LMF1: variants seen among roughly 807,000 people sequenced by gnomAD.
The protein encoded by LMF1 is transmembrane protein 112.
LMF1 carries 68 observed loss-of-function variants against 60.6 expected under a neutral mutation model. The observed-to-expected ratio is 1.12, with a 90% CI of 0.92 to 1.37. The LOEUF (loss-of-function observed/expected upper bound fraction) is 1.37. Ranked by LOEUF, LMF1 falls within the 40% of genes most tolerant of loss-of-function variation. LMF1 has a pLI of 0.00. For synonymous variants in LMF1, 418 were observed against 324.7 expected (o/e 1.29, Z -3.09); for missense variants, 948 against 767.2 (o/e 1.24, Z -2.78).
chr16:956,774 G>T (rs2072713852), intron 1 of LMF1, among the ~76,000 whole-genome samples: 1 of 151,076 alleles, frequency 6.6e-6, no homozygotes, highest in Admixed American at 6.6e-5. Context: ...AACCTGGGAG[G>T]TGGAGGGTGC....
At chr16:912,319 G>A (rs1348178759) in intron 3 of LMF1, among the ~76,000 whole-genome samples, 1 of 152,140 alleles carries the variant, frequency 6.6e-6, no homozygotes, top group African/African-American at 2.4e-5. Context: ...ACCTGCCACA[G>A]AGAGGACGGG....
chr16:870,289 G>T (rs552359232), intron 8 of LMF1, among the ~76,000 whole-genome samples: 2 of 152,350 alleles, frequency 1.3e-5, no homozygotes, highest in African/African-American at 4.8e-5. Flanking sequence ...TTCTCTGCCC[G>T]TGAAGACCCA....
chr16:966,000 C>T (rs1028024589), intron 1 of LMF1, among the ~76,000 whole-genome samples: 5 of 152,176 alleles, frequency 3.3e-5, no homozygotes, highest in African/African-American at 4.8e-5. Context: ...CAATATCAGC[C>T]GCAAAGGAAG....
chr16:892,935 AG>A, intron 5 of LMF1, 71 bp downstream of exon 5: 1 of 1,207,562 alleles, frequency 8.3e-7, no homozygotes, highest in Non-Finnish European at 1.2e-6. Flanking sequence ...TGCAGGACTG[AG>A]CCCCGCCAAG....
intron 4 of LMF1, among the ~76,000 whole-genome samples, chr16:898,520 C>A (rs191879304): frequency 1.3e-5 from 2 of 152,258 alleles, no homozygotes; most frequent in Admixed American, 6.5e-5. Flanking sequence ...GCTGCTGGGG[C>A]CTGGAGCAGC....
chr16:888,572 G>C (rs1596912686), intron 5 of LMF1, among the ~76,000 whole-genome samples: 1 of 152,190 alleles, frequency 6.6e-6, no homozygotes, highest in East Asian at 1.9e-4. Flanking sequence ...AAGCAGCTGC[G>C]TGACCCCCAC....
chr16:888,866 G>T (rs2070391182), intron 5 of LMF1, among the ~76,000 whole-genome samples: 1 of 152,206 alleles, frequency 6.6e-6, no homozygotes, highest in African/African-American at 2.4e-5. Flanking sequence ...GGGCCAGCCA[G>T]TGTCAGGCAG....
intron 5 of LMF1, among the ~76,000 whole-genome samples, chr16:889,346 G>C (rs1455816141): frequency 2.7e-5 from 4 of 146,716 alleles, no homozygotes; most frequent in Admixed American, 6.6e-5. Context: ...TGAGTGTGGG[G>C]TGTGAGGCTG....
At chr16:916,584 C>T (rs1007054221) in intron 3 of LMF1, among the ~76,000 whole-genome samples, 4 of 152,186 alleles carry the variant, frequency 2.6e-5, no homozygotes, top group Non-Finnish European at 4.4e-5. Context: ...TCTCGCTGCG[C>T]GCCAGTGGCG....
intron 10 of LMF1, among the ~76,000 whole-genome samples, chr16:860,230 A>G (rs1596836052): frequency 6.6e-6 from 1 of 152,086 alleles, no homozygotes; most frequent in East Asian, 1.9e-4. Flanking sequence ...TATGGAGCAA[A>G]TGCTTTTAAT....
rs566377492 is a variant in LMF1, at chr16:936,923, C to T, written c.504-2669G>A. On this transcript the variant is annotated intron_variant, in intron 2 of 10. Coordinates refer to ENST00000262301, the MANE Select transcript of LMF1 (RefSeq NM_022773.4). ...TCCAGGCTGCAGTGAGCCAAGATCG[C>T]GCTACTATTGCACTCCAGCCTGGGC... Among the ~76,000 whole-genome samples the T allele has an allele frequency of 1.1e-4, 17 of 152,256 alleles. No individual in the cohort carries two copies. The South Asian group carries it at 2.9e-3, about 26-fold the overall frequency.
intron 10 of LMF1, among the ~76,000 whole-genome samples, chr16:867,458 T>TG (rs35503039): frequency 6.6e-6 from 1 of 152,042 alleles, no homozygotes; most frequent in African/African-American, 2.4e-5. Context: ...GGGTGGGGGC[T>TG]GGGGGGCTCT....
chr16:870,854 G>A lies in LMF1; in HGVS notation c.1107C>T (p.Val369=), dbSNP rs774928130. 6.8e-6 allele frequency: 11 copies of A among 1,610,580 alleles called. No individual in the cohort carries two copies. Among genetic ancestry groups the A allele is most frequent in the Non-Finnish European group, 7.6e-6 (9 of 1,179,728 alleles). Residue 369 remains valine (V), a synonymous_variant, in exon 8 of 11, where the codon GTC becomes GTT. Coordinates refer to ENST00000262301, the MANE Select transcript of LMF1 (RefSeq NM_022773.4). ...GCCAGGCCAGCAGGACGCCCAGCGA[G>A]ACGTTGGCTGCACGCCGCACCACGG... The part of the protein sequence containing the change: ...FGSVVRRAAN[V]SLGVLLAWLS...
At chr16:939,017 G>A (rs972966989) in intron 2 of LMF1, among the ~76,000 whole-genome samples, 4 of 152,096 alleles carry the variant, frequency 2.6e-5, no homozygotes, top group Non-Finnish European at 2.9e-5. Flanking sequence ...CACCTTCCAC[G>A]TGCATTTACC....
intron 10 of LMF1, among the ~76,000 whole-genome samples, chr16:863,352 T>C (rs1290540125): frequency 4.6e-5 from 7 of 152,126 alleles, no homozygotes; most frequent in Admixed American, 4.6e-4. Context: ...ATGTTGGCCA[T>C]GCTGGTCTTG....
rs949547421 is a variant in LMF1 at position 853,740 on chromosome 16, C to T, written c.*792G>A. Reference sequence around the variant, plus strand: ...AAATGTGCAGTAGACGCTGTTTGTCCGACGATGATGAAAGTGTGCACGGCC... The same window carrying T: ...AAATGTGCAGTAGACGCTGTTTGTCTGACGATGATGAAAGTGTGCACGGCC... On this transcript the variant is annotated 3_prime_UTR_variant, in exon 11 of 11. Transcript: ENST00000262301. 4.0e-5 allele frequency: 18 copies of T among 453,978 alleles called. No homozygotes were observed. The highest frequency in any genetic ancestry group is 1.2e-4 in the African/African-American group (6 of 49,984). 28.1% of individuals were successfully genotyped at this position (453,978 alleles called of 1,614,324 possible).
chr16:938,782 C>T (rs1022871846), intron 2 of LMF1, among the ~76,000 whole-genome samples: 10 of 152,142 alleles, frequency 6.6e-5, no homozygotes, highest in East Asian at 1.9e-4. Flanking sequence ...GTGTGAAAAC[C>T]GACCTCAGAG....
intron 5 of LMF1, among the ~76,000 whole-genome samples, chr16:891,802 G>A (rs563800985): frequency 2.6e-5 from 4 of 152,204 alleles, no homozygotes; most frequent in Admixed American, 2.6e-4. Context: ...CGTGGGCTGC[G>A]GTGTGCACAG....
At position 854,870 on chromosome 16, in the gene LMF1, C is replaced by T. The variant is rs989089160; in HGVS notation, c.1530-164G>A. On this transcript the variant is annotated intron_variant, in intron 10 of 10. Coordinates refer to ENST00000262301, the MANE Select transcript of LMF1 (RefSeq NM_022773.4). The stretch of plus-strand genomic sequence containing the variant: ...GCACAGGTAGACCCCCAGCAGACCC[C>T]GGGCAGGGCAACTGTTCCAGTCGGC... The T allele has an allele frequency of 4.7e-5, 32 of 683,666 alleles. 1 individual carries two copies. The highest frequency in any genetic ancestry group is 1.3e-4 in the Admixed American group (6 of 45,722). 42.3% of individuals were successfully genotyped at this position (683,666 alleles called of 1,614,324 possible).
Sources: gnomAD v4.1 joint callset for allele counts (sites outside exome capture counted in the v4.1 genomes callset) on GRCh38, gnomAD v4.1.1 for gene constraint, MANE v1.5 for transcripts, NCBI Gene and HGNC (gene_info 2026-07-23, HGNC 2026-07-21) for gene names.